The following RBM17 variants were observed in gnomAD, a reference collection of about 807,000 sequenced individuals.
The protein encoded by RBM17 is RNA binding motif protein 17, also known as splicing factor 45.
RBM17 carries 7 observed loss-of-function variants against 53.2 expected under a neutral mutation model. That is an observed-to-expected ratio of 0.13 (90% CI 0.07 to 0.25). The LOEUF (loss-of-function observed/expected upper bound fraction) is 0.25. Ranked by LOEUF, RBM17 falls within the 10% of genes least tolerant of loss-of-function variation. The probability of loss-of-function intolerance (pLI) is 1.00; values close to 1 mark genes in which losing one functional copy is unlikely to be tolerated. For synonymous variants in RBM17, 167 were observed against 178.1 expected, an observed-to-expected ratio of 0.94 and a Z score of 0.50; for missense variants, 257 against 496.7, an observed-to-expected ratio of 0.52 and a Z score of 4.59.
rs1034243095 is a variant in RBM17, at chr10:6,115,221, G to A, written c.1030-18G>A. On this transcript the variant is annotated intron_variant, in intron 10 of 11. Transcript: ENST00000379888. ...AATCTCAAATGCCTTTACTCATCAC[G>A]CTCTCATTTTCTTCCAGATTCCTGG... The A allele has an allele frequency of 1.9e-6, 3 of 1,603,886 alleles. No individual in the cohort carries two copies. Among genetic ancestry groups the A allele is most frequent in the African/African-American group, 1.3e-5 (1 of 74,552 alleles).
At chr10:6,110,854 T>A (rs1216344713) in intron 7 of RBM17, among the ~76,000 whole-genome samples, 1 of 152,196 alleles carries the variant, frequency 6.6e-6, no homozygotes, top group Admixed American at 6.5e-5. Flanking sequence ...AGTGACCACA[T>A]GCAAGTGGTG....
At chr10:6,101,985 CT>C (rs1264994037) in intron 3 of RBM17, among the ~76,000 whole-genome samples, 2 of 151,820 alleles carry the variant, frequency 1.3e-5, no homozygotes, top group African/African-American at 4.8e-5. Context: ...GTGGTCAACT[CT>C]ATAAATTGGG....
At chr10:6,093,887 C>G (rs932704945) in intron 1 of RBM17, among the ~76,000 whole-genome samples, 3 of 151,652 alleles carry the variant, frequency 2.0e-5, no homozygotes, top group African/African-American at 7.3e-5. Context: ...CAATATATGT[C>G]ATACTTTTAA....
chr10:6,104,856 C>T (rs1588347884), intron 3 of RBM17, 75 bp from the exon 4 acceptor site: 15 of 1,284,580 alleles, frequency 1.2e-5, no homozygotes, highest in Non-Finnish European at 1.7e-5. Context: ...ATCTCCCATA[C>T]GCTTTGACCT....
At chr10:6,114,175 AAC>A (rs1840879988) in intron 10 of RBM17, 28 bp downstream of exon 10, 10 of 1,361,552 alleles carry the variant, frequency 7.3e-6, no homozygotes, top group Non-Finnish European at 1.0e-5. Flanking sequence ...TGATGTTTAT[AAC>A]ACAAGTTGTA....
At chr10:6,103,189 A>C (rs1238531913) in intron 3 of RBM17, among the ~76,000 whole-genome samples, 1 of 152,174 alleles carries the variant, frequency 6.6e-6, no homozygotes, top group Non-Finnish European at 1.5e-5. Context: ...TTTTATGGCC[A>C]ATCTGTTCTG....
intron 1 of RBM17, among the ~76,000 whole-genome samples, chr10:6,094,343 C>T (rs762195220): frequency 6.6e-6 from 1 of 152,114 alleles, no homozygotes; most frequent in Admixed American, 6.5e-5. Context: ...TGAAGGATTT[C>T]AGATTTTCAT....
chr10:6,094,264 C>T (rs891079985), intron 1 of RBM17, among the ~76,000 whole-genome samples: 4 of 152,304 alleles, frequency 2.6e-5, no homozygotes, highest in Admixed American at 2.6e-4. Flanking sequence ...AGGTGCGAGA[C>T]ACCGCACCCG....
chr10:6,092,396 T>C (rs1290101915), intron 1 of RBM17, among the ~76,000 whole-genome samples: 4 of 152,240 alleles, frequency 2.6e-5, no homozygotes, highest in African/African-American at 9.6e-5. Flanking sequence ...TATTAAATGC[T>C]TAATATAGCG....
In RBM17 at chr10:6,114,173, A is replaced by G. The variant is rs760263604; in HGVS notation, c.1029+26A>G. 6.6e-6 allele frequency: 9 copies of G among 1,369,670 alleles called. No individual in the cohort carries two copies. In the Admixed American group the frequency reaches 6.8e-5, roughly 10 times the overall value. 84.8% of individuals were successfully genotyped at this position (1,369,670 alleles called of 1,614,324 possible). A position where few individuals can be genotyped will look rare whatever the true frequency, so the allele number is the denominator to read the frequency against. The stretch of plus-strand genomic sequence containing the variant: ...GTAAGAGTGTTTTCTTTTGATGTTT[A>G]TAACACAAGTTGTAATTGGCACATT... On this transcript the variant is annotated intron_variant, in intron 10 of 11. Coordinates refer to ENST00000379888, the MANE Select transcript of RBM17 (RefSeq NM_032905.5).
In RBM17 at chr10:6,105,081, A is replaced by G; in HGVS notation, c.391A>G (p.Ile131Val). The part of the protein sequence containing the change: ...RQRELERQKE[I>V]EEREKRRKDR... The stretch of plus-strand genomic sequence containing the variant: ...GCGGGAGCTGGAAAGACAAAAGGAA[A>G]TAGAAGAAAGGGAAAAGTAAGGCTT... The change falls in exon 4 of 12, where the codon ATA becomes GTA. Residue 131 changes from isoleucine (I) to valine (V), a missense_variant. By Grantham distance (29) the Ile-to-Val change is conservative (BLOSUM62 3). Coordinates refer to ENST00000379888, the MANE Select transcript of RBM17 (RefSeq NM_032905.5). 1 of 1,613,476 alleles carries G rather than the reference A, an allele frequency of 6.2e-7. No individual in the cohort carries two copies. Among genetic ancestry groups the G allele is most frequent in the Non-Finnish European group, 8.5e-7 (1 of 1,179,734 alleles).
chr10:6,092,283 T>C (rs1470368307), intron 1 of RBM17, among the ~76,000 whole-genome samples: 6 of 152,202 alleles, frequency 3.9e-5, no homozygotes, highest in African/African-American at 1.4e-4. Context: ...TAAGTAATAA[T>C]GTCAACGTTA....
Position 6,115,716 on chromosome 10 carries a change from T to C in RBM17, c.*160T>C. 2.0e-6 allele frequency: 1 copy of C among 493,840 alleles called. No homozygotes were observed. The highest frequency in any genetic ancestry group is 3.6e-5 in the Admixed American group (1 of 27,738). The allele number at this position is 493,840 out of a possible 1,614,324, so 30.6% of individuals were successfully genotyped here. ...GATTGATCCCTTTTTTATTTTGTGG[T>C]TTTTTAATATAGTATAAAAATCCTT... is the stretch of plus-strand genomic sequence containing the variant. On this transcript the variant is annotated 3_prime_UTR_variant, in exon 12 of 12. Coordinates refer to ENST00000379888, the MANE Select transcript of RBM17 (RefSeq NM_032905.5).
intron 5 of RBM17, 107 bp from the exon 6 acceptor site, chr10:6,108,579 T>G: frequency 1.3e-6 from 1 of 761,498 alleles, no homozygotes; most frequent in Non-Finnish European, 2.2e-6. Context: ...GTCCTCCTTT[T>G]TTAGTTTTTT....
chr10:6,113,970 T>C (rs1840876277), intron 9 of RBM17, 79 bp from the exon 10 acceptor site: 3 of 895,482 alleles, frequency 3.4e-6, no homozygotes. Flanking sequence ...TTACCATCAC[T>C]AAGTCATATT....
intron 2 of RBM17, among the ~76,000 whole-genome samples, chr10:6,099,780 G>C (rs1275516237): frequency 1.3e-5 from 2 of 152,158 alleles, no homozygotes; most frequent in Non-Finnish European, 2.9e-5. Flanking sequence ...GATTCTGGCT[G>C]GGCGTGGTGG....
Position 6,115,572 on chromosome 10 carries a change from C to G in RBM17, c.*16C>G. 1.4e-6 allele frequency: 2 copies of G among 1,444,360 alleles called. No homozygotes were observed. Among genetic ancestry groups the G allele is most frequent in the Non-Finnish European group, 1.9e-6 (2 of 1,026,410 alleles). 89.5% of individuals were successfully genotyped at this position (1,444,360 alleles called of 1,614,324 possible). ...ACAAGTTTGATTTTAAGAACTAGAG[C>G]ACGAGTCATCTCCGGTGATCCTTAA... On this transcript the variant is annotated 3_prime_UTR_variant, in exon 12 of 12. Coordinates refer to ENST00000379888, the MANE Select transcript of RBM17 (RefSeq NM_032905.5).
At chr10:6,101,161 C>A in intron 2 of RBM17, 110 bp from the exon 3 acceptor site, 1 of 526,140 alleles carries the variant, frequency 1.9e-6, no homozygotes, top group Non-Finnish European at 3.4e-6. Flanking sequence ...TTATGGTTTT[C>A]TCATATCTCA....
intron 1 of RBM17, among the ~76,000 whole-genome samples, chr10:6,091,144 C>G (rs1840478891): frequency 1.3e-5 from 2 of 151,662 alleles, no homozygotes; most frequent in Non-Finnish European, 2.9e-5. Flanking sequence ...CTGCAACCTC[C>G]ACTTCCCAGG....
Sources: allele counts gnomAD v4.1 joint callset (sites outside exome capture counted in the v4.1 genomes callset), GRCh38; gene constraint gnomAD v4.1.1; transcripts MANE v1.5; gene names NCBI Gene and HGNC (gene_info 2026-07-23, HGNC 2026-07-21).